The following ATE1 variants were observed in gnomAD, a reference collection of about 807,000 sequenced individuals.
ATE1 encodes the protein arginyl-tRNA--protein transferase 1.
Under a neutral mutation model 70.5 loss-of-function variants are expected in ATE1, and 36 were observed. That is an observed-to-expected ratio of 0.51 (90% CI 0.39 to 0.67). The LOEUF (loss-of-function observed/expected upper bound fraction) is 0.67, where lower values mean the gene tolerates loss of function less well. ATE1 is among the 30% of genes least tolerant of loss of function. ATE1 has a pLI of 0.00. For synonymous variants in ATE1, 232 were observed against 219.3 expected, an observed-to-expected ratio of 1.06 and a Z score of -0.51; for missense variants, 593 against 629.5, an observed-to-expected ratio of 0.94 and a Z score of 0.62.
Position 121,743,114 on chromosome 10 carries a change from T to G in ATE1, c.*566A>C, listed in dbSNP as rs1196689076. ...ATACCTGATGCTAACACAAGCTCCA[T>G]TTTAATGTTTTATTTTTTCAAGTTC... On this transcript the variant is annotated 3_prime_UTR_variant, in exon 12 of 12. Coordinates refer to ENST00000224652, the MANE Select transcript of ATE1 (RefSeq NM_001001976.3). 1.3e-5 allele frequency: 2 copies of G among 152,350 alleles called. No homozygotes were observed. The highest frequency in any genetic ancestry group is 4.8e-5 in the African/African-American group (2 of 41,460). The allele number at this position is 152,350 out of a possible 1,614,324, so 9.4% of individuals were successfully genotyped here.
At chr10:121,857,077 T>C (rs1012256827) in intron 8 of ATE1, among the ~76,000 whole-genome samples, 1 of 152,252 alleles carries the variant, frequency 6.6e-6, no homozygotes, top group African/African-American at 2.4e-5. Flanking sequence ...AACCACTTTT[T>C]TATTTTTATT....
At chr10:121,780,831 C>A (rs550886335) in intron 11 of ATE1, among the ~76,000 whole-genome samples, 65 of 152,222 alleles carry the variant, frequency 4.3e-4, no homozygotes, top group African/African-American at 1.5e-3. Flanking sequence ...GAATGAGGAC[C>A]CTCCTATGGG....
At chr10:121,758,332 C>G (rs538021314) in intron 11 of ATE1, among the ~76,000 whole-genome samples, 1 of 152,084 alleles carries the variant, frequency 6.6e-6, no homozygotes, top group African/African-American at 2.4e-5. Flanking sequence ...AGCCAAATTC[C>G]CATTTACAAT....
intron 7 of ATE1, among the ~76,000 whole-genome samples, chr10:121,876,617 C>G (rs7899299): frequency 0.9 from 136,846 of 152,246 alleles, 61,655 homozygotes; most frequent in Middle Eastern, 0.96. Context: ...ATCCAGATAA[C>G]AGTATAACAA....
intron 7 of ATE1, among the ~76,000 whole-genome samples, chr10:121,897,824 CAAAA>C (rs59751617): frequency 2.9e-5 from 3 of 101,842 alleles, no homozygotes; most frequent in African/African-American, 4.5e-5. Context: ...GACTCCGTCT[CAAAA>C]AAAAAAAAAA....
intron 6 of ATE1, among the ~76,000 whole-genome samples, chr10:121,900,690 G>T (rs1042981520): frequency 3.9e-5 from 6 of 152,202 alleles, no homozygotes; most frequent in Non-Finnish European, 5.9e-5. Context: ...AAAACAGCTG[G>T]AAACTGGACA....
chr10:121,791,561 T>C (rs1316016534), intron 10 of ATE1, among the ~76,000 whole-genome samples: 1 of 152,242 alleles, frequency 6.6e-6, no homozygotes, highest in Non-Finnish European at 1.5e-5. Context: ...TTGTATTCTT[T>C]GAGCTTATTT....
At chr10:121,746,345 T>C (rs776470962) in intron 11 of ATE1, among the ~76,000 whole-genome samples, 1 of 152,188 alleles carries the variant, frequency 6.6e-6, no homozygotes, top group Non-Finnish European at 1.5e-5. Context: ...TCCATAAATA[T>C]TTGCTGCATC....
At chr10:121,869,908 T>C in intron 8 of ATE1, 98 bp downstream of exon 8, 1 of 1,153,472 alleles carries the variant, frequency 8.7e-7, no homozygotes, top group Non-Finnish European at 1.3e-6. Context: ...CCCACCAAAA[T>C]GAGCACTCCT....
At chr10:121,815,294 C>T (rs1252725466) in intron 10 of ATE1, among the ~76,000 whole-genome samples, 1 of 152,202 alleles carries the variant, frequency 6.6e-6, no homozygotes, top group South Asian at 2.1e-4. Flanking sequence ...CGCCACCACG[C>T]CCGGCTAATT....
chr10:121,788,937 G>A (rs1480273975), intron 11 of ATE1, among the ~76,000 whole-genome samples: 2 of 152,238 alleles, frequency 1.3e-5, no homozygotes, highest in Non-Finnish European at 2.9e-5. Flanking sequence ...GCTGTGTGGA[G>A]GAGGGCTACT....
At chr10:121,866,907 T>A (rs376316566) in intron 8 of ATE1, among the ~76,000 whole-genome samples, 1 of 151,186 alleles carries the variant, frequency 6.6e-6, no homozygotes, top group Admixed American at 6.6e-5. Context: ...TAGTGTACTC[T>A]AGGTACACTC....
intron 8 of ATE1, among the ~76,000 whole-genome samples, chr10:121,858,041 T>C (rs953510981): frequency 2.6e-5 from 4 of 152,226 alleles, no homozygotes; most frequent in Non-Finnish European, 5.9e-5. Flanking sequence ...TAAGGCTGAA[T>C]AATATTCCTT....
intron 11 of ATE1, among the ~76,000 whole-genome samples, chr10:121,766,586 AAC>A (rs1945286454): frequency 6.6e-6 from 1 of 152,090 alleles, no homozygotes; most frequent in South Asian, 2.1e-4. Context: ...CTGAAAAGCC[AAC>A]ACACACAGAC....
At chr10:121,864,014 T>C (rs774368562) in intron 8 of ATE1, among the ~76,000 whole-genome samples, 8 of 152,236 alleles carry the variant, frequency 5.3e-5, no homozygotes, top group African/African-American at 7.2e-5. Flanking sequence ...TTATCTAGCC[T>C]GACAATCTCT....
chr10:121,840,059 C>T (rs71484686), intron 9 of ATE1, among the ~76,000 whole-genome samples: 13 of 152,278 alleles, frequency 8.5e-5, no homozygotes, highest in African/African-American at 2.9e-4. Flanking sequence ...TCCCAACCCT[C>T]CTTCCCCTCC....
chr10:121,787,020 A>G (rs1946243633), intron 11 of ATE1, among the ~76,000 whole-genome samples: 1 of 152,216 alleles, frequency 6.6e-6, no homozygotes, highest in Non-Finnish European at 1.5e-5. Flanking sequence ...TAAGAACAAA[A>G]GGATTTCTTT....
At chr10:121,854,060 A>G (rs1949155925) in intron 8 of ATE1, among the ~76,000 whole-genome samples, 1 of 152,234 alleles carries the variant, frequency 6.6e-6, no homozygotes, top group Non-Finnish European at 1.5e-5. Flanking sequence ...GGGGACTACC[A>G]ACATTCAGAC....
chr10:121,805,229 T>A (rs1170562933), intron 10 of ATE1, among the ~76,000 whole-genome samples: 1 of 152,320 alleles, frequency 6.6e-6, no homozygotes, highest in East Asian at 1.9e-4. Flanking sequence ...AAATGTACTA[T>A]GAGCATGAAA....
Sources: allele counts gnomAD v4.1 joint callset (sites outside exome capture counted in the v4.1 genomes callset), GRCh38; gene constraint gnomAD v4.1.1; transcripts MANE v1.5; gene names NCBI Gene and HGNC (gene_info 2026-07-23, HGNC 2026-07-21).